ALDH16A1: variants seen among roughly 807,000 people sequenced by gnomAD.
The protein encoded by ALDH16A1 is aldehyde dehydrogenase 16 family member A1.
A neutral mutation model predicts 96.1 loss-of-function variants in ALDH16A1; 88 were observed. The observed-to-expected ratio is 0.92, with a 90% CI of 0.77 to 1.09. The LOEUF (loss-of-function observed/expected upper bound fraction) is 1.09. Ranked by LOEUF, ALDH16A1 falls within the 50% of genes least tolerant of loss-of-function variation. The probability of loss-of-function intolerance (pLI) is 0.00; values close to 1 mark genes in which losing one functional copy is unlikely to be tolerated. For missense variants in ALDH16A1, 1,250 were observed against 1,112.6 expected, an observed-to-expected ratio of 1.12 and a Z score of -1.76; for synonymous variants, 522 against 496.4, an observed-to-expected ratio of 1.05 and a Z score of -0.69.
At position 49,470,713 on chromosome 19, in the gene ALDH16A1, A is replaced by G; in HGVS notation, c.*246A>G. 2.8e-6 allele frequency: 1 copy of G among 362,042 alleles called. No individual in the cohort carries two copies. The highest frequency in any genetic ancestry group is 4.9e-6 in the Non-Finnish European group (1 of 205,054). The allele number at this position is 362,042 out of a possible 1,614,324, so 22.4% of individuals were successfully genotyped here. On this transcript the variant is annotated 3_prime_UTR_variant, in exon 17 of 17. Coordinates refer to ENST00000293350, the MANE Select transcript of ALDH16A1 (RefSeq NM_153329.4). ...ACCCAGGCTGGAGCGCAGTGGCACA[A>G]TCTCGGCCCACTGCAGCCTCGACCT... is the stretch of plus-strand genomic sequence containing the variant.
rs546745903 is a variant in ALDH16A1, at chr19:49,467,690, G to A, written c.1939-691G>A. Among the ~76,000 whole-genome samples, 13 of 151,342 alleles carry A rather than the reference G, an allele frequency of 8.6e-5. 1 individual carries two copies. Among genetic ancestry groups the A allele is most frequent in the South Asian group, 6.3e-4 (3 of 4,768 alleles). On this transcript the variant is annotated intron_variant, in intron 14 of 16. Coordinates refer to ENST00000293350, the MANE Select transcript of ALDH16A1 (RefSeq NM_153329.4). ...ATTACAGGTGTGAGCCACTACACCC[G>A]GCCTTCTTTTTTTTAAATTTTATTT...
Position 49,470,296 on chromosome 19 carries a change from C to T in ALDH16A1, c.2248-10C>T. 6.2e-7 allele frequency: 1 copy of T among 1,613,090 alleles called. No individual in the cohort carries two copies. The highest frequency in any genetic ancestry group is 8.5e-7 in the Non-Finnish European group (1 of 1,179,622). On this transcript the variant is annotated splice_polypyrimidine_tract_variant and intron_variant, in intron 16 of 16. Coordinates refer to ENST00000293350, the MANE Select transcript of ALDH16A1 (RefSeq NM_153329.4). ...CAGAAGTGCTTACCCCCGTCTCTTC[C>T]TCCCCTCAGGGTTCCCAGTTTGTCG...
intron 1 of ALDH16A1, among the ~76,000 whole-genome samples, chr19:49,455,833 TAC>T: frequency 6.6e-6 from 1 of 152,358 alleles, no homozygotes; most frequent in Non-Finnish European, 1.5e-5. Context: ...TTCTCAACCG[TAC>T]AGTCTCTGGG....
At chr19:49,453,579 C>G in intron 1 of ALDH16A1, 158 bp downstream of exon 1, 1 of 671,032 alleles carries the variant, frequency 1.5e-6, no homozygotes, top group Non-Finnish European at 2.5e-6. Context: ...CCCTGTAGGA[C>G]GCTCCCTTGA....
rs758480482 is a variant in ALDH16A1, at chr19:49,470,423, C to T, written c.2365C>T (p.Arg789Ter). Residue 789 changes from arginine to a stop codon, truncating the protein, a stop_gained, in exon 17 of 17, where the codon CGA becomes TGA. Coordinates refer to ENST00000293350, the MANE Select transcript of ALDH16A1 (RefSeq NM_153329.4). LOFTEE classifies it high-confidence loss of function. ...GGGGGCAGGCCCAGAGCTGGGGCTGCGAGTGGCGCGGACCAAGGCCCTGTG... is the reference window on the plus strand; with the variant it reads ...GGGGGCAGGCCCAGAGCTGGGGCTGTGAGTGGCGCGGACCAAGGCCCTGTG... ...AEGAGPELGLRVARTKALWLP... is the reference protein window; with the variant it reads ...AEGAGPELGL The T allele has an allele frequency of 5.0e-6, 8 of 1,606,276 alleles. No individual in the cohort carries two copies. Among genetic ancestry groups the T allele is most frequent in the Non-Finnish European group, 6.8e-6 (8 of 1,177,176 alleles).
At position 49,470,362 on chromosome 19, in the gene ALDH16A1, C is replaced by T. The variant is rs149017207; in HGVS notation, c.2304C>T (p.Ser768=). 5.6e-6 allele frequency: 9 copies of T among 1,613,218 alleles called. No individual in the cohort carries two copies. Among genetic ancestry groups the T allele is most frequent in the East Asian group, 2.2e-5 (1 of 44,834 alleles). ...SAGNLKPVWA[S]RGCPRAWDQE... Reference sequence around the variant, plus strand: ...GAAACCTCAAACCGGTGTGGGCGAGCAGGGGCTGCCCGCGGGCCTGGGACC... The same window carrying T: ...GAAACCTCAAACCGGTGTGGGCGAGTAGGGGCTGCCCGCGGGCCTGGGACC... Residue 768 remains serine, a synonymous_variant, in exon 17 of 17, where the codon AGC becomes AGT. Transcript: ENST00000293350.
chr19:49,460,827 A>C lies in ALDH16A1; in HGVS notation c.505A>C (p.Ile169Leu). 1 of 1,613,190 alleles carries C rather than the reference A, an allele frequency of 6.2e-7. No individual in the cohort carries two copies. Among genetic ancestry groups the C allele is most frequent in the Non-Finnish European group, 8.5e-7 (1 of 1,179,784 alleles). Residue 169 changes from isoleucine to leucine, a missense_variant, in exon 5 of 17, where the codon ATT becomes CTT. By Grantham distance (5) the Ile-to-Leu change is conservative. Coordinates refer to ENST00000293350, the MANE Select transcript of ALDH16A1 (RefSeq NM_153329.4). Reference sequence around the variant, plus strand: ...GCCTCATTTTTTTCTTGCAGGAGTAATTGGCCTCATCCTGCCACCCACATT... The same window carrying C: ...GCCTCATTTTTTTCTTGCAGGAGTACTTGGCCTCATCCTGCCACCCACATT... ...ALAGWEPMGV[I>L]GLILPPTFSF...
intron 1 of ALDH16A1, among the ~76,000 whole-genome samples, chr19:49,458,146 G>A (rs960029470): frequency 5.3e-5 from 8 of 151,978 alleles, no homozygotes; most frequent in Non-Finnish European, 1.0e-4. Flanking sequence ...GTGAACCCAG[G>A]AGGCGGAGCT....
At position 49,461,950 on chromosome 19, in the gene ALDH16A1, G is replaced by T; in HGVS notation, c.826G>T (p.Glu276Ter). The T allele has an allele frequency of 6.4e-7, 1 of 1,569,974 alleles. No homozygotes were observed. Among genetic ancestry groups the T allele is most frequent in the South Asian group, 1.2e-5 (1 of 86,280 alleles). ...GGAGCTGGGCCTGGCGCTGGGGACG[G>T]AGTCGCTGCTGCTGCTGACGGACAC... ...CAELGLALGT[E>*]SLLLLTDTAD... Residue 276 changes from glutamate (E) to a stop codon, truncating the protein, a stop_gained, in exon 7 of 17, where the codon GAG becomes TAG. Transcript: ENST00000293350. LOFTEE classifies it high-confidence loss of function.
intron 1 of ALDH16A1, 117 bp downstream of exon 1, chr19:49,453,538 C>T (rs1394808682): frequency 1.0e-6 from 1 of 960,514 alleles, no homozygotes; most frequent in Non-Finnish European, 1.5e-6. Context: ...TCTCTTAGTC[C>T]CCGTGATTCC....
rs1195424236 is a variant in ALDH16A1, at chr19:49,459,454, G to C, written c.321-216G>C. Among the ~76,000 whole-genome samples, 1 of 152,200 alleles carries C rather than the reference G, an allele frequency of 6.6e-6. No individual in the cohort carries two copies. Among genetic ancestry groups the C allele is most frequent in the Non-Finnish European group, 1.5e-5 (1 of 68,036 alleles). On this transcript the variant is annotated intron_variant, in intron 3 of 16. Transcript: ENST00000293350. This position sits in a 1 kb window ranked among gnomAD's most constrained non-coding sequence, Gnocchi z 4.1. ...AAGACTCAATTTCCCAAAAGCTTCA[G>C]GGATTTCCGGCGGCCAAGACCTTTA...
intron 12 of ALDH16A1, 62 bp from the exon 13 acceptor site, chr19:49,465,676 G>A (rs2079191449): frequency 6.5e-7 from 1 of 1,528,764 alleles, no homozygotes; most frequent in Non-Finnish European, 8.9e-7. Flanking sequence ...CAGTGCGGTA[G>A]AGCATAGGGT....
chr19:49,470,885 G>C lies in ALDH16A1; in HGVS notation c.*418G>C, dbSNP rs1225908443. Reference sequence around the variant, plus strand: ...AGCACGGTGCTGTGTTTGTGAAACAGAGAAAGGGGACCCCCGAGGACCCCA... The same window carrying C: ...AGCACGGTGCTGTGTTTGTGAAACACAGAAAGGGGACCCCCGAGGACCCCA... On this transcript the variant is annotated 3_prime_UTR_variant, in exon 17 of 17. Coordinates refer to ENST00000293350, the MANE Select transcript of ALDH16A1 (RefSeq NM_153329.4). 2 of 156,860 alleles carry C rather than the reference G, an allele frequency of 1.3e-5. No individual in the cohort carries two copies. Among genetic ancestry groups the C allele is most frequent in the Non-Finnish European group, 2.8e-5 (2 of 71,354 alleles). 9.7% of individuals were successfully genotyped at this position (156,860 alleles called of 1,614,324 possible).
chr19:49,468,700 A>C lies in ALDH16A1; in HGVS notation c.2124+134A>C. On this transcript the variant is annotated intron_variant, in intron 15 of 16. Transcript: ENST00000293350. This position sits in a 1 kb window ranked among gnomAD's most constrained non-coding sequence, Gnocchi z 4.4. ...CATGCTGCCCCCAGCCCCAGCACCCAAACCTTCACTCCTTGGGGACCCAGT... is the reference window on the plus strand; with the variant it reads ...CATGCTGCCCCCAGCCCCAGCACCCCAACCTTCACTCCTTGGGGACCCAGT... 7.3e-7 allele frequency: 1 copy of C among 1,369,392 alleles called. No individual in the cohort carries two copies. Among genetic ancestry groups the C allele is most frequent in the Non-Finnish European group, 9.9e-7 (1 of 1,008,720 alleles). The allele number at this position is 1,369,392 out of a possible 1,614,324, so 84.8% of individuals were successfully genotyped here.
chr19:49,454,181 C>G (rs1287469866), intron 1 of ALDH16A1, among the ~76,000 whole-genome samples: 1 of 152,074 alleles, frequency 6.6e-6, no homozygotes, highest in African/African-American at 2.4e-5. Context: ...CGCCACCACT[C>G]TCAGCTAATA....
chr19:49,467,619 C>T (rs966376939), intron 14 of ALDH16A1, among the ~76,000 whole-genome samples: 2 of 150,984 alleles, frequency 1.3e-5, no homozygotes, highest in Non-Finnish European at 3.0e-5. Context: ...TGGTCTCGAT[C>T]TCCTGACCTC....
intron 1 of ALDH16A1, among the ~76,000 whole-genome samples, chr19:49,457,040 G>A (rs2079108458): frequency 6.6e-6 from 1 of 151,850 alleles, no homozygotes; most frequent in African/African-American, 2.4e-5. Flanking sequence ...CCCAGGAGGC[G>A]GAGGTTGCAG....
chr19:49,470,173 A>T (rs1386725973), intron 16 of ALDH16A1, 133 bp from the exon 17 acceptor site: 19 of 1,069,720 alleles, frequency 1.8e-5, no homozygotes, highest in Non-Finnish European at 2.2e-5. Flanking sequence ...GCTTGGGAGG[A>T]GCTGGGCATT....
At chr19:49,461,126 T>G (rs1177915190) in intron 5 of ALDH16A1, among the ~76,000 whole-genome samples, 1 of 142,358 alleles carries the variant, frequency 7.0e-6, no homozygotes, top group Admixed American at 6.9e-5. Context: ...GACTCCTGAG[T>G]CTGAGGGAGG....
Sources: allele counts gnomAD v4.1 joint callset (sites outside exome capture counted in the v4.1 genomes callset), GRCh38; gene constraint gnomAD v4.1.1; non-coding constraint Gnocchi (gnomAD v3.1); transcripts MANE v1.5; gene names NCBI Gene and HGNC (gene_info 2026-07-23, HGNC 2026-07-21).